ESF1: variants seen among roughly 807,000 people sequenced by gnomAD.
ESF1 encodes ESF1 homolog.
A neutral mutation model predicts 92.0 loss-of-function variants in ESF1; 58 were observed. The observed-to-expected ratio is 0.63, with a 90% CI of 0.51 to 0.78. ESF1 has a LOEUF of 0.78. ESF1 is among the 30% of genes least tolerant of loss of function. ESF1 has a pLI of 0.00. For synonymous variants in ESF1, 321 were observed against 313.7 expected, an observed-to-expected ratio of 1.02 and a Z score of -0.24; for missense variants, 922 against 989.1, an observed-to-expected ratio of 0.93 and a Z score of 0.91.
At chr20:13,744,260 T>G (rs2050033856) in intron 9 of ESF1, among the ~76,000 whole-genome samples, 3 of 152,092 alleles carry the variant, frequency 2.0e-5, no homozygotes, top group Non-Finnish European at 4.4e-5. Context: ...ATAAAGAAAG[T>G]AAAATCACAA....
At chr20:13,744,503 G>C (rs944467179) in intron 9 of ESF1, among the ~76,000 whole-genome samples, 1 of 152,210 alleles carries the variant, frequency 6.6e-6, no homozygotes, top group Non-Finnish European at 1.5e-5. Context: ...CAGGGTGAAA[G>C]CTAAAGTCCA....
chr20:13,781,587 T>C (rs913125080), intron 2 of ESF1, among the ~76,000 whole-genome samples: 2 of 152,168 alleles, frequency 1.3e-5, no homozygotes, highest in Non-Finnish European at 2.9e-5. Flanking sequence ...CCATGCACTC[T>C]GGAGGGGGCT....
intron 12 of ESF1, 144 bp from the exon 13 acceptor site, chr20:13,717,658 G>T: frequency 1.2e-6 from 1 of 809,350 alleles, no homozygotes; most frequent in Non-Finnish European, 1.9e-6. Context: ...TCTGTAAACT[G>T]ACTGTGGATT....
chr20:13,768,714 T>C (rs907094111), intron 7 of ESF1, among the ~76,000 whole-genome samples: 7 of 151,432 alleles, frequency 4.6e-5, no homozygotes, highest in African/African-American at 1.5e-4. Flanking sequence ...CTGGCCAACA[T>C]GGTGAAACCC....
intron 9 of ESF1, among the ~76,000 whole-genome samples, chr20:13,754,911 C>A (rs1978817654): frequency 6.6e-6 from 1 of 152,200 alleles, no homozygotes; most frequent in South Asian, 2.1e-4. Context: ...TCCTTGGATT[C>A]CTCAAACACA....
chr20:13,733,668 T>A, intron 10 of ESF1, 53 bp downstream of exon 10: 2 of 1,553,368 alleles, frequency 1.3e-6, no homozygotes, highest in Non-Finnish European at 1.8e-6. Context: ...CCTGGTACCA[T>A]CTGATATATG....
At chr20:13,746,315 TACAC>T (rs2050048324) in intron 9 of ESF1, among the ~76,000 whole-genome samples, 2 of 152,298 alleles carry the variant, frequency 1.3e-5, no homozygotes, top group South Asian at 4.1e-4. Flanking sequence ...TATAAATATA[TACAC>T]ACATAGTATT....
chr20:13,781,261 C>G (rs1279938261), intron 2 of ESF1, among the ~76,000 whole-genome samples: 1 of 151,826 alleles, frequency 6.6e-6, no homozygotes, highest in Non-Finnish European at 1.5e-5. Context: ...TCTAACTTGA[C>G]ATTAATATGA....
intron 9 of ESF1, among the ~76,000 whole-genome samples, chr20:13,748,592 A>ATATATATTTTT (rs1331098586): frequency 1.0e-5 from 1 of 95,740 alleles, no homozygotes; most frequent in Admixed American, 9.9e-5. Context: ...ATATATATAT[A>ATATATATTTTT]TTTTTTTTTT....
In ESF1 at chr20:13,714,885, T is replaced by C; in HGVS notation, c.2545A>G (p.Lys849Glu). The C allele has an allele frequency of 6.3e-7, 1 of 1,596,126 alleles. No homozygotes were observed. Among genetic ancestry groups the C allele is most frequent in the Non-Finnish European group, 8.5e-7 (1 of 1,173,282 alleles). Residue 849 changes from lysine to glutamate, a missense_variant, in exon 14 of 14, where the codon AAA (lysine) becomes GAA (glutamate). Lys to Glu is a moderately conservative substitution (Grantham distance 56). Coordinates refer to ENST00000617257, the MANE Select transcript of ESF1 (RefSeq NM_001276380.2). Reference sequence around the variant, plus strand: ...TAAGTAACATCCAGTTATTTGACTTTTTGCTTTTTTCTTGCTTGAAACTGC... The same window carrying C: ...TAAGTAACATCCAGTTATTTGACTTCTTGCTTTTTTCTTGCTTGAAACTGC... The part of the protein sequence containing the change: ...TEQFQARKKQ[K>E]VK
chr20:13,775,365 A>G, intron 3 of ESF1, 95 bp from the exon 4 acceptor site: 1 of 751,600 alleles, frequency 1.3e-6, no homozygotes, highest in Non-Finnish European at 2.2e-6. Flanking sequence ...TCTGTCCCCT[A>G]TGCTCTGAAA....
chr20:13,715,053 TCTC>T lies in ESF1; in HGVS notation c.2374_2376del (p.Glu792del), dbSNP rs1323151903. Reference sequence around the variant, plus strand: ...TCTTTCCGTTCTCTTTGCCGGGCCTTCTCCTCAAGGATTTTTTCCATAGCTTTT... The same window carrying T: ...TCTTTCCGTTCTCTTTGCCGGGCCTTCTCAAGGATTTTTTCCATAGCTTTT... On this transcript the variant is annotated inframe_deletion, in exon 14 of 14. Transcript: ENST00000617257. 3.1e-6 allele frequency: 5 copies of T among 1,614,034 alleles called. No individual in the cohort carries two copies. The highest frequency in any genetic ancestry group is 4.2e-6 in the Non-Finnish European group (5 of 1,180,008).
chr20:13,758,274 T>C (rs553375404), intron 9 of ESF1, among the ~76,000 whole-genome samples: 1 of 152,352 alleles, frequency 6.6e-6, no homozygotes, highest in Admixed American at 6.5e-5. Flanking sequence ...GCTGTTAAAA[T>C]CACTTTTTAG....
chr20:13,752,880 T>A (rs897931584), intron 9 of ESF1, among the ~76,000 whole-genome samples: 2 of 152,118 alleles, frequency 1.3e-5, no homozygotes, highest in Non-Finnish European at 2.9e-5. Context: ...CCCTACTCCA[T>A]GCCCAAGGAA....
intron 8 of ESF1, among the ~76,000 whole-genome samples, chr20:13,765,139 T>C (rs1307748200): frequency 2.0e-5 from 3 of 151,994 alleles, no homozygotes; most frequent in Non-Finnish European, 4.4e-5. Flanking sequence ...ATGAGAATCG[T>C]TTGAACCCAG....
chr20:13,745,733 T>G (rs2050044095), intron 9 of ESF1, among the ~76,000 whole-genome samples: 1 of 152,166 alleles, frequency 6.6e-6, no homozygotes, highest in Non-Finnish European at 1.5e-5. Flanking sequence ...ATTACAGGCA[T>G]GAGCTACCAT....
intron 9 of ESF1, among the ~76,000 whole-genome samples, chr20:13,757,231 T>C (rs1428623967): frequency 1.3e-5 from 2 of 152,156 alleles, no homozygotes; most frequent in Non-Finnish European, 2.9e-5. Context: ...CAAGTACAAA[T>C]ATTTTTAATA....
At chr20:13,764,907 T>C (rs1979361776) in intron 8 of ESF1, among the ~76,000 whole-genome samples, 1 of 148,260 alleles carries the variant, frequency 6.7e-6, no homozygotes, top group Admixed American at 6.7e-5. Flanking sequence ...CCGTTAATCA[T>C]TTCAAACATT....
chr20:13,778,280 A>C (rs956271902), intron 2 of ESF1, among the ~76,000 whole-genome samples: 2 of 152,170 alleles, frequency 1.3e-5, no homozygotes, highest in Non-Finnish European at 2.9e-5. Context: ...CCAAAATGAA[A>C]GCATTGTCAC....
Sources: allele counts gnomAD v4.1 joint callset (sites outside exome capture counted in the v4.1 genomes callset), GRCh38; gene constraint gnomAD v4.1.1; transcripts MANE v1.5; gene names NCBI Gene and HGNC (gene_info 2026-07-23, HGNC 2026-07-21).